Variants in ZNF638 observed in about 807,000 individuals in gnomAD.
The protein encoded by ZNF638 is CTCL tumor antigen se33-1.
Under a neutral mutation model 195.6 loss-of-function variants are expected in ZNF638, and 46 were observed. That is an observed-to-expected ratio of 0.24 (90% CI 0.19 to 0.30). The LOEUF is 0.30. Among genes scored for constraint, ZNF638 ranks in the 10% least tolerant of loss-of-function variants. ZNF638 has a pLI of 1.00. For missense variants in ZNF638, 2,440 were observed against 2,325.3 expected, an observed-to-expected ratio of 1.05 and a Z score of -1.01; for synonymous variants, 845 against 772.0, an observed-to-expected ratio of 1.09 and a Z score of -1.57.
intron 10 of ZNF638, among the ~76,000 whole-genome samples, chr2:71,392,795 C>T (rs1298594519): frequency 2.6e-5 from 4 of 152,066 alleles, no homozygotes; most frequent in Non-Finnish European, 4.4e-5. Context: ...CACATCTCTT[C>T]CTTGAACAGG....
chr2:71,428,656 A>T lies in ZNF638; in HGVS notation c.5650+5A>T, dbSNP rs2080590078. 3 of 1,610,884 alleles carry T rather than the reference A, an allele frequency of 1.9e-6. No individual in the cohort carries two copies. The Admixed American group carries it at 5.0e-5, about 27-fold the overall frequency. On this transcript the variant is annotated splice_donor_5th_base_variant and intron_variant, in intron 25 of 27. Transcript: ENST00000264447. The stretch of plus-strand genomic sequence containing the variant: ...AGGCCTTCCAGATGAGTGAAGGTAA[A>T]GCAGGATTGTTGGAATGGGAAGGAA...
intron 8 of ZNF638, among the ~76,000 whole-genome samples, chr2:71,377,490 A>G (rs1027318376): frequency 6.6e-6 from 1 of 152,256 alleles, no homozygotes; most frequent in Non-Finnish European, 1.5e-5. Context: ...TGAGCATTAC[A>G]GAAAATCTAA....
chr2:71,388,144 G>A (rs1041250152), intron 10 of ZNF638, among the ~76,000 whole-genome samples: 1 of 152,148 alleles, frequency 6.6e-6, no homozygotes, highest in Non-Finnish European at 1.5e-5. Context: ...AAGGAGAGAC[G>A]CAAACCTTCT....
At chr2:71,380,730 G>C in intron 10 of ZNF638, 165 bp downstream of exon 10, 1 of 476,986 alleles carries the variant, frequency 2.1e-6, no homozygotes, top group Middle Eastern at 3.5e-4. Context: ...ATTTAATGCT[G>C]TGTAATTACA....
At chr2:71,388,536 C>G (rs376698081) in intron 10 of ZNF638, 1 of 720,830 alleles carries the variant, frequency 1.4e-6, no homozygotes, top group Non-Finnish European at 2.6e-6. Flanking sequence ...GTTCTCTCTT[C>G]GGCGTCTCTA....
At chr2:71,339,919 G>A (rs943433376) in intron 1 of ZNF638, among the ~76,000 whole-genome samples, 1 of 152,148 alleles carries the variant, frequency 6.6e-6, no homozygotes, top group Non-Finnish European at 1.5e-5. Flanking sequence ...ACAATGTTGT[G>A]CTCTAGAGGC....
chr2:71,426,979 A>G lies in ZNF638; in HGVS notation c.5110A>G (p.Thr1704Ala), dbSNP rs1433138714. ...TGAGTCAGCAGACATAACTTTTGCCACTTTAAATACTAAAGGAAATGAAGG... is the reference window on the plus strand; with the variant it reads ...TGAGTCAGCAGACATAACTTTTGCCGCTTTAAATACTAAAGGAAATGAAGG... ...LNESADITFATLNTKGNEGDT... is the reference protein window; with the variant it reads ...LNESADITFAALNTKGNEGDT... Residue 1704 changes from threonine to alanine, a missense_variant, in exon 24 of 28, where the codon ACT becomes GCT. By Grantham distance (58) the Thr-to-Ala change is moderately conservative. Coordinates refer to ENST00000264447, the MANE Select transcript of ZNF638 (RefSeq NM_014497.5). 1 of 1,611,906 alleles carries G rather than the reference A, an allele frequency of 6.2e-7. No individual in the cohort carries two copies. The highest frequency in any genetic ancestry group is 8.5e-7 in the Non-Finnish European group (1 of 1,179,192).
chr2:71,373,209 T>C (rs2079347558), intron 8 of ZNF638, among the ~76,000 whole-genome samples: 2 of 152,176 alleles, frequency 1.3e-5, no homozygotes, highest in Admixed American at 6.5e-5. Flanking sequence ...TTTGCATCTT[T>C]TTGATTATTC....
rs1294383631 is a variant in ZNF638, at chr2:71,427,104, T to C, written c.5235T>C (p.Asp1745=). 6.2e-7 allele frequency: 1 copy of C among 1,614,190 alleles called. No individual in the cohort carries two copies. The highest frequency in any genetic ancestry group is 1.7e-5 in the Admixed American group (1 of 60,030). Residue 1745 remains aspartate, a synonymous_variant, in exon 24 of 28, where the codon GAT becomes GAC. Coordinates refer to ENST00000264447, the MANE Select transcript of ZNF638 (RefSeq NM_014497.5). ...TVDEIQDDSS[D]LHLVTLDEVT... is the part of the protein sequence containing the mutation. ...ATGAAATACAAGATGACAGCAGTGA[T>C]TTGCATTTAGTGACTTTGGATGAAG...
chr2:71,394,779 G>A (rs189711388), intron 10 of ZNF638, among the ~76,000 whole-genome samples: 134 of 152,300 alleles, frequency 8.8e-4, no homozygotes, highest in African/African-American at 3.2e-3. Flanking sequence ...TACTGAATCA[G>A]TACAAATAGC....
rs765217286 is a variant in ZNF638 at position 71,396,186 on chromosome 2, C to T, written c.2423C>T (p.Ser808Phe). 5 of 1,611,106 alleles carry T rather than the reference C, an allele frequency of 3.1e-6. No homozygotes were observed. In the South Asian group the frequency reaches 4.4e-5, roughly 14 times the overall value. Residue 808 changes from serine (S) to phenylalanine (F), a missense_variant, in exon 11 of 28, where the codon TCT becomes TTT. Around this residue, in one of 5 missense-constraint regions of ZNF638, gnomAD observed 1,883 missense variants for 1,739.1 expected, o/e 1.08. Transcript: ENST00000264447. ...AKASVAKVNK[S>F]TGKSASSVKS... Reference sequence around the variant, plus strand: ...GCATCTGTAGCCAAAGTAAACAAATCTACAGGTATGTTTTTTTAATTAGGA... The same window carrying T: ...GCATCTGTAGCCAAAGTAAACAAATTTACAGGTATGTTTTTTTAATTAGGA...
At chr2:71,398,202 A>G (rs998856170) in intron 11 of ZNF638, among the ~76,000 whole-genome samples, 2 of 152,050 alleles carry the variant, frequency 1.3e-5, no homozygotes, top group Non-Finnish European at 2.9e-5. Context: ...ATTTTTTTTC[A>G]GATTTTGGAA....
At chr2:71,387,945 T>C (rs1284445947) in intron 10 of ZNF638, among the ~76,000 whole-genome samples, 2 of 152,156 alleles carry the variant, frequency 1.3e-5, no homozygotes, top group African/African-American at 4.8e-5. Flanking sequence ...TGGAAAATAG[T>C]ATGATTAGGC....
chr2:71,372,566 G>A (rs1158528219), intron 8 of ZNF638, among the ~76,000 whole-genome samples: 1 of 152,196 alleles, frequency 6.6e-6, no homozygotes, highest in South Asian at 2.1e-4. Flanking sequence ...CCTCGTCAAT[G>A]CCTCTTTCAG....
chr2:71,400,051 A>C, intron 13 of ZNF638, 61 bp from the exon 14 acceptor site: 3 of 1,358,484 alleles, frequency 2.2e-6, no homozygotes, highest in Middle Eastern at 4.0e-4. Flanking sequence ...TCCTGTTTAG[A>C]TTCATTAGTT....
At chr2:71,369,248 G>A (rs371786928) in intron 7 of ZNF638, among the ~76,000 whole-genome samples, 4 of 151,454 alleles carry the variant, frequency 2.6e-5, no homozygotes, top group Admixed American at 6.6e-5. Flanking sequence ...TCTTGAACCC[G>A]GGAGGCAGAG....
chr2:71,337,288 G>A (rs1370604392), intron 1 of ZNF638, among the ~76,000 whole-genome samples: 1 of 152,034 alleles, frequency 6.6e-6, no homozygotes, highest in Non-Finnish European at 1.5e-5. Context: ...GTTTTTTCCC[G>A]AAAAGTTTGA....
chr2:71,378,054 TA>T (rs2079466388), intron 8 of ZNF638, among the ~76,000 whole-genome samples: 1 of 152,184 alleles, frequency 6.6e-6, no homozygotes, highest in Admixed American at 6.5e-5. Context: ...TCTAAAACAT[TA>T]AAATGAAGAT....
At chr2:71,410,270 T>C (rs1357934442) in intron 20 of ZNF638, among the ~76,000 whole-genome samples, 1 of 152,212 alleles carries the variant, frequency 6.6e-6, no homozygotes, top group African/African-American at 2.4e-5. Context: ...GATTTAAACC[T>C]TAACTCCTGG....
Sources: gnomAD v4.1 joint callset for allele counts (sites outside exome capture counted in the v4.1 genomes callset) on GRCh38, gnomAD v4.1.1 for gene constraint, gnomAD v4.1.1 regional missense constraint, MANE v1.5 for transcripts, NCBI Gene and HGNC (gene_info 2026-07-23, HGNC 2026-07-21) for gene names.